Variants in NAT10 observed in about 807,000 individuals in gnomAD.
NAT10 encodes N-acetyltransferase 10.
A neutral mutation model predicts 132.2 loss-of-function variants in NAT10; 109 were observed. That is an observed-to-expected ratio of 0.82 (90% CI 0.71 to 0.97). The LOEUF (loss-of-function observed/expected upper bound fraction) is 0.97, where lower values mean the gene tolerates loss of function less well. Ranked by LOEUF, NAT10 falls within the 50% of genes least tolerant of loss-of-function variation. The probability of loss-of-function intolerance (pLI) is 0.00; values close to 1 mark genes in which losing one functional copy is unlikely to be tolerated. For missense variants in NAT10, 1,184 were observed against 1,263.4 expected, an observed-to-expected ratio of 0.94 and a Z score of 0.95; for synonymous variants, 479 against 478.0, an observed-to-expected ratio of 1.00 and a Z score of -0.03.
chr11:34,144,579 C>G (rs983654388), intron 28 of NAT10, among the ~76,000 whole-genome samples: 2 of 152,232 alleles, frequency 1.3e-5, no homozygotes, highest in Non-Finnish European at 2.9e-5. Flanking sequence ...TGTTTTCATA[C>G]TAATCCAAAT....
Position 34,146,175 on chromosome 11 carries a change from C to G in NAT10, c.3061C>G (p.Leu1021Val), listed in dbSNP as rs964363604. 5 of 1,603,938 alleles carry G rather than the reference C, an allele frequency of 3.1e-6. No individual in the cohort carries two copies. In the African/African-American group the frequency reaches 5.4e-5, roughly 17 times the overall value. ...GACAAAGAACAAAAAAGATATGAAA[C>G]TGAAGCGGAAGAAATAGTGAAGAGA... ...RETKNKKDMK[L>V]KRKK Residue 1021 changes from leucine to valine, a missense_variant, in exon 29 of 29, where the codon CTG becomes GTG. Leu to Val is a conservative substitution (Grantham distance 32). Transcript: ENST00000257829.
At position 34,137,126 on chromosome 11, in the gene NAT10, C is replaced by T. The variant is rs1303599066; in HGVS notation, c.2211+100C>T. On this transcript the variant is annotated intron_variant, in intron 21 of 28. Coordinates refer to ENST00000257829, the MANE Select transcript of NAT10 (RefSeq NM_024662.3). ...GCCCTAGTGCCTCCCTGCTGCATCG[C>T]TCTGAGCAGGTGGCTGTGCCTCTGA... The T allele has an allele frequency of 3.0e-6, 4 of 1,315,548 alleles. No individual in the cohort carries two copies. In the African/African-American group the frequency reaches 4.4e-5, roughly 14 times the overall value. The allele number at this position is 1,315,548 out of a possible 1,614,324, so 81.5% of individuals were successfully genotyped here.
chr11:34,113,419 T>A (rs1326549451), intron 4 of NAT10, among the ~76,000 whole-genome samples: 2 of 152,040 alleles, frequency 1.3e-5, no homozygotes, highest in African/African-American at 4.8e-5. Flanking sequence ...TGTGTGTGTA[T>A]CCTGGGAAGT....
chr11:34,137,880 G>A (rs1473338870), intron 21 of NAT10, among the ~76,000 whole-genome samples: 1 of 152,178 alleles, frequency 6.6e-6, no homozygotes, highest in African/African-American at 2.4e-5. Flanking sequence ...GAGAGGATGA[G>A]GAGGATGAGG....
chr11:34,121,951 G>A (rs928474381), intron 8 of NAT10, among the ~76,000 whole-genome samples: 4 of 151,420 alleles, frequency 2.6e-5, no homozygotes, highest in African/African-American at 4.9e-5. Flanking sequence ...TGAGGCAGGC[G>A]GATCGCCTGA....
chr11:34,131,122 C>A (rs1260267855), intron 13 of NAT10, among the ~76,000 whole-genome samples, 185 bp downstream of exon 13: 1 of 152,040 alleles, frequency 6.6e-6, no homozygotes, highest in African/African-American at 2.4e-5. Flanking sequence ...CAGATGGGAG[C>A]CAGACTAGGG....
In NAT10 at chr11:34,135,255, TG is replaced by T. The variant is rs1852188340; in HGVS notation, c.1993del (p.Glu665ArgfsTer9). The T allele has an allele frequency of 6.2e-7, 1 of 1,613,922 alleles. No homozygotes were observed. The highest frequency in any genetic ancestry group is 1.7e-5 in the Admixed American group (1 of 59,992). ...TTCCTTGTCTGGAGGAAAAGGTCCT[TG>T]AGACACCACAGGAAATTCACACCGT... is the stretch of plus-strand genomic sequence containing the variant. ...RFPCLEEKVL[E>X]TPQEIHTVSS... On this transcript the variant is annotated frameshift_variant, in exon 19 of 29. Transcript: ENST00000257829. LOFTEE classifies it high-confidence loss of function.
intron 26 of NAT10, 138 bp from the exon 27 acceptor site, chr11:34,142,137 T>C (rs1852346158): frequency 5.0e-6 from 4 of 799,348 alleles, no homozygotes; most frequent in Non-Finnish European, 8.2e-6. Flanking sequence ...CAAAGCTGCC[T>C]ACAAGGTTTT....
chr11:34,116,385 T>C (rs80179115), intron 6 of NAT10, among the ~76,000 whole-genome samples: 12,525 of 152,198 alleles, frequency 0.082, 526 homozygotes, highest in Non-Finnish European at 0.092. Flanking sequence ...CGGTTTGTTA[T>C]CTGAAATTAA....
At chr11:34,135,838 C>T (rs1852200205) in intron 19 of NAT10, among the ~76,000 whole-genome samples, 1 of 150,724 alleles carries the variant, frequency 6.6e-6, no homozygotes, top group African/African-American at 2.4e-5. Flanking sequence ...TGGTGCACGC[C>T]TGTAGTCCCA....
chr11:34,137,393 A>G (rs757549941), intron 21 of NAT10, among the ~76,000 whole-genome samples: 3 of 152,194 alleles, frequency 2.0e-5, no homozygotes, highest in Non-Finnish European at 4.4e-5. Context: ...GACTCACTGC[A>G]GGAGGAGCAG....
rs1156807537 is a variant in NAT10 at position 34,131,497 on chromosome 11, G to A, written c.1486G>A (p.Val496Ile). The A allele has an allele frequency of 6.8e-6, 11 of 1,613,934 alleles. No homozygotes were observed. The highest frequency in any genetic ancestry group is 9.3e-6 in the Non-Finnish European group (11 of 1,180,014). ...GGATTGCCTCAACATCACTCGGATA[G>A]TCTCAGGCTGCCCCTTGCCTGAAGC... Reference protein sequence around the residue: ...CLDCLNITRIVSGCPLPEACE... With the variant: ...CLDCLNITRIISGCPLPEACE... Residue 496 changes from valine (V) to isoleucine (I), a missense_variant, in exon 14 of 29, where the codon GTC (valine) becomes ATC (isoleucine). By Grantham distance (29) the Val-to-Ile change is conservative (BLOSUM62 3). Transcript: ENST00000257829.
chr11:34,113,098 G>A (rs1303079032), intron 4 of NAT10, among the ~76,000 whole-genome samples: 2 of 152,158 alleles, frequency 1.3e-5, no homozygotes, highest in East Asian at 3.9e-4. Context: ...GGTTATCACT[G>A]ATTGGTAGGG....
At chr11:34,125,853 A>G (rs1851981001) in intron 11 of NAT10, among the ~76,000 whole-genome samples, 1 of 152,044 alleles carries the variant, frequency 6.6e-6, no homozygotes, top group Admixed American at 6.6e-5. Context: ...AATCCCAGCT[A>G]CTCGGGAGGC....
intron 5 of NAT10, among the ~76,000 whole-genome samples, chr11:34,115,479 C>T (rs1851768849): frequency 6.6e-6 from 1 of 152,074 alleles, no homozygotes; most frequent in South Asian, 2.1e-4. Context: ...ATTTTTCTTC[C>T]TCCATCCATT....
In NAT10 at chr11:34,105,673, G is replaced by A. The variant is rs781198917; in HGVS notation, c.-135G>A. 2 of 152,340 alleles carry A rather than the reference G, an allele frequency of 1.3e-5. No individual in the cohort carries two copies. The highest frequency in any genetic ancestry group is 6.5e-5 in the Admixed American group (1 of 15,280). The allele number at this position is 152,340 out of a possible 1,614,324, so 9.4% of individuals were successfully genotyped here. A position where few individuals can be genotyped will look rare whatever the true frequency, so the allele number is the denominator to read the frequency against. On this transcript the variant is annotated 5_prime_UTR_variant, in exon 1 of 29. Coordinates refer to ENST00000257829, the MANE Select transcript of NAT10 (RefSeq NM_024662.3). The stretch of plus-strand genomic sequence containing the variant: ...TGCCGCGGAGCCAGGCTTACTACGT[G>A]ACCCGGACACCAGGCATACGCTAGG...
intron 3 of NAT10, among the ~76,000 whole-genome samples, chr11:34,111,081 T>C (rs1851686656): frequency 6.6e-6 from 1 of 152,220 alleles, no homozygotes; most frequent in Non-Finnish European, 1.5e-5. Flanking sequence ...TTGGCAAATA[T>C]GAGATGGGTG....
intron 28 of NAT10, among the ~76,000 whole-genome samples, chr11:34,144,366 ACT>A (rs1852396212): frequency 1.3e-5 from 2 of 152,212 alleles, no homozygotes; most frequent in African/African-American, 4.8e-5. Context: ...TTTGAAAAAT[ACT>A]CTTTTTCATA....
At position 34,146,066 on chromosome 11, in the gene NAT10, T is replaced by C; in HGVS notation, c.2970-18T>C. ...ATCTGTACATATTTCATTCTTTCTA[T>C]TTTTGATTTTTCTCTAGTGACAAGA... is the stretch of plus-strand genomic sequence containing the variant. On this transcript the variant is annotated intron_variant, in intron 28 of 28. Coordinates refer to ENST00000257829, the MANE Select transcript of NAT10 (RefSeq NM_024662.3). 6.5e-7 allele frequency: 1 copy of C among 1,529,678 alleles called. No individual in the cohort carries two copies. Among genetic ancestry groups the C allele is most frequent in the East Asian group, 2.2e-5 (1 of 44,460 alleles). The allele number at this position is 1,529,678 out of a possible 1,614,324, so 94.8% of individuals were successfully genotyped here.
Sources: allele counts gnomAD v4.1 joint callset (sites outside exome capture counted in the v4.1 genomes callset), GRCh38; gene constraint gnomAD v4.1.1; transcripts MANE v1.5; gene names NCBI Gene and HGNC (gene_info 2026-07-23, HGNC 2026-07-21).